SLC41A3: variants seen among roughly 807,000 people sequenced by gnomAD.
The protein encoded by SLC41A3 is SLC41A1-like 2.
Under a neutral mutation model 45.4 loss-of-function variants are expected in SLC41A3, and 44 were observed. The ratio of observed to expected loss-of-function variants is 0.97; its 90% CI spans 0.76 to 1.25. SLC41A3 has a LOEUF of 1.25. Among genes scored for constraint, SLC41A3 ranks in the 50% most tolerant of loss-of-function variants. The probability of loss-of-function intolerance (pLI) is 0.00; values close to 1 mark genes in which losing one functional copy is unlikely to be tolerated. For synonymous variants in SLC41A3, 256 were observed against 252.4 expected (o/e 1.01, Z -0.13); for missense variants, 550 against 600.6 (o/e 0.92, Z 0.88).
At chr3:126,017,255 G>A (rs563658873) in intron 6 of SLC41A3, among the ~76,000 whole-genome samples, 155 of 152,304 alleles carry the variant, frequency 1.0e-3, no homozygotes, top group Non-Finnish European at 1.9e-3. Flanking sequence ...TCACCTTCTC[G>A]ACAGCCCCTG....
At chr3:126,034,443 A>T (rs531947743) in intron 3 of SLC41A3, among the ~76,000 whole-genome samples, 7 of 152,376 alleles carry the variant, frequency 4.6e-5, no homozygotes, top group African/African-American at 1.4e-4. Context: ...AAAATATAAA[A>T]ATGTGCCTAC....
chr3:126,056,929 G>C, intron 2 of SLC41A3: 1 of 1,093,278 alleles, frequency 9.1e-7, no homozygotes, highest in Non-Finnish European at 1.1e-6. Flanking sequence ...CAGCAGCCCA[G>C]CAGGCTGGTC....
chr3:126,035,435 G>T (rs761574225), intron 3 of SLC41A3, among the ~76,000 whole-genome samples: 1 of 152,224 alleles, frequency 6.6e-6, no homozygotes, highest in Non-Finnish European at 1.5e-5. Flanking sequence ...GGAGCTGCGG[G>T]TTTGGGTGGA....
intron 1 of SLC41A3, among the ~76,000 whole-genome samples, chr3:126,078,246 A>G (rs73198418): frequency 9.9e-5 from 15 of 152,276 alleles, no homozygotes; most frequent in Non-Finnish European, 2.1e-4. Context: ...TCTCGTCCTC[A>G]ACCTTCCAGC....
chr3:126,015,871 C>G (rs999521132), intron 7 of SLC41A3, among the ~76,000 whole-genome samples: 10 of 152,220 alleles, frequency 6.6e-5, no homozygotes, highest in African/African-American at 2.4e-4. Context: ...TGGGCTGTCC[C>G]AAGACTCCGG....
intron 1 of SLC41A3, chr3:126,095,222 G>C (rs1266754791): frequency 2.9e-6 from 2 of 691,124 alleles, no homozygotes; most frequent in Non-Finnish European, 5.3e-6. Context: ...ATACCATCAA[G>C]ACACCTGAAA....
chr3:126,019,282 T>TGAATG (rs957582382), intron 6 of SLC41A3, among the ~76,000 whole-genome samples: 16 of 152,320 alleles, frequency 1.1e-4, no homozygotes, highest in African/African-American at 3.8e-4. Context: ...TATTAATCCA[T>TGAATG]GAATGGATTA....
At chr3:126,050,647 C>T (rs150968621) in intron 3 of SLC41A3, among the ~76,000 whole-genome samples, 12 of 152,218 alleles carry the variant, frequency 7.9e-5, no homozygotes, top group African/African-American at 1.2e-4. Flanking sequence ...CAGGTGGATG[C>T]GGGTGGCAGG....
At chr3:126,040,263 C>T (rs568116525) in intron 3 of SLC41A3, among the ~76,000 whole-genome samples, 3 of 152,286 alleles carry the variant, frequency 2.0e-5, no homozygotes. Flanking sequence ...ATGCTTATTT[C>T]CAACTCTAAT....
At chr3:126,063,315 T>C (rs9845531) in intron 2 of SLC41A3, among the ~76,000 whole-genome samples, 99,550 of 151,804 alleles carry the variant, frequency 0.66, 32,879 homozygotes, top group Middle Eastern at 0.72. Flanking sequence ...TCCCTGGGCC[T>C]CTTGGCTACC....
Position 126,056,501 on chromosome 3 carries a change from G to A in SLC41A3, c.274-5451C>T, listed in dbSNP as rs752352667. 4.3e-5 allele frequency: 69 copies of A among 1,613,998 alleles called. 1 individual carries two copies. The South Asian group carries it at 4.9e-4, about 12-fold the overall frequency. The stretch of plus-strand genomic sequence containing the variant: ...CGGGTAAGCTCACAGCTGAAGCCTC[G>A]CAGCTTCTTGCCCTGAAAGCAAAAC... On this transcript the variant is annotated intron_variant, in intron 2 of 10. Transcript: ENST00000360370.
At position 126,006,477 on chromosome 3, in the gene SLC41A3, G is replaced by A; in HGVS notation, c.*539C>T. On this transcript the variant is annotated 3_prime_UTR_variant, in exon 11 of 11. Coordinates refer to ENST00000360370, the MANE Select transcript of SLC41A3 (RefSeq NM_017836.4). ...CAGCAAGGACACGATTAAATGTTGA[G>A]TGCAGATGAAGGGTTGTATGAGGCC... The A allele has an allele frequency of 3.1e-6, 5 of 1,614,052 alleles. No individual in the cohort carries two copies. The highest frequency in any genetic ancestry group is 1.1e-5 in the South Asian group (1 of 91,008).
At chr3:126,045,356 CAAA>C (rs35447492) in intron 3 of SLC41A3, among the ~76,000 whole-genome samples, 183 of 145,480 alleles carry the variant, frequency 1.3e-3, no homozygotes, top group East Asian at 7.1e-3. Flanking sequence ...ATTGGTTCCT[CAAA>C]AAAAAAAAAA....
chr3:126,027,790 G>C (rs1391740813), intron 4 of SLC41A3, among the ~76,000 whole-genome samples: 1 of 152,232 alleles, frequency 6.6e-6, no homozygotes, highest in African/African-American at 2.4e-5. Flanking sequence ...GTCTCAGATG[G>C]AGATGAGGAT....
intron 2 of SLC41A3, among the ~76,000 whole-genome samples, chr3:126,060,163 A>C (rs1217781559): frequency 6.6e-6 from 1 of 152,230 alleles, no homozygotes; most frequent in Non-Finnish European, 1.5e-5. Context: ...TAATGCCTGT[A>C]ATCCCAGCAC....
At chr3:126,088,932 G>C (rs143812048), upstream of SLC41A3, among the ~76,000 whole-genome samples, 1 of 152,294 alleles carries the variant, frequency 6.6e-6, no homozygotes, top group East Asian at 1.9e-4. Flanking sequence ...TGCAGAAGAG[G>C]TCATTCCTGA....
chr3:126,080,935 A>T (rs1405995984), intron 1 of SLC41A3, among the ~76,000 whole-genome samples: 1 of 151,648 alleles, frequency 6.6e-6, no homozygotes. Context: ...TGGGCAACAG[A>T]GCGAGATTCC....
chr3:126,033,732 C>A, intron 3 of SLC41A3, 54 bp from the exon 4 acceptor site: 1 of 1,564,198 alleles, frequency 6.4e-7, no homozygotes, highest in Admixed American at 1.8e-5. Context: ...AAAGCCAGGT[C>A]AACCCTTCCT....
At chr3:126,056,418 C>T in intron 2 of SLC41A3, 2 of 1,614,214 alleles carry the variant, frequency 1.2e-6, no homozygotes, top group Non-Finnish European at 1.7e-6. Flanking sequence ...GCAGAATGGG[C>T]ACCACGACCT....
Sources: allele counts gnomAD v4.1 joint callset (sites outside exome capture counted in the v4.1 genomes callset), GRCh38; gene constraint gnomAD v4.1.1; transcripts MANE v1.5; gene names NCBI Gene and HGNC (gene_info 2026-07-23, HGNC 2026-07-21).